The following PIK3C2B variants were observed in gnomAD, a reference collection of about 807,000 sequenced individuals.
The protein encoded by PIK3C2B is phosphatidylinositol 4-phosphate 3-kinase C2 domain-containing subunit beta.
Under a neutral mutation model 184.3 loss-of-function variants are expected in PIK3C2B, and 83 were observed. That is an observed-to-expected ratio of 0.45 (90% confidence interval 0.38 to 0.54). The LOEUF is 0.54. Among genes scored for constraint, PIK3C2B ranks in the 20% least tolerant of loss-of-function variants. The pLI, the probability that PIK3C2B is intolerant of heterozygous loss-of-function variation, is 0.00. For synonymous variants in PIK3C2B, 779 were observed against 837.6 expected, an observed-to-expected ratio of 0.93 and a Z score of 1.21; for missense variants, 1,736 against 2,113.5, an observed-to-expected ratio of 0.82 and a Z score of 3.50.
intron 1 of PIK3C2B, among the ~76,000 whole-genome samples, chr1:204,480,392 T>C (rs1048052692): frequency 6.6e-6 from 1 of 152,226 alleles, no homozygotes; most frequent in African/African-American, 2.4e-5. Context: ...GACTTTGTAC[T>C]GTCTCTCCTA....
Position 204,447,348 on chromosome 1 carries a change from C to T in PIK3C2B, c.2489+88G>A. 4.5e-6 allele frequency: 6 copies of T among 1,343,970 alleles called. No individual in the cohort carries two copies. The highest frequency in any genetic ancestry group is 6.2e-6 in the Non-Finnish European group (6 of 961,402). 83.3% of individuals were successfully genotyped at this position (1,343,970 alleles called of 1,614,324 possible). ...TGAGATGGCAATGCCCACCCCTTCC[C>T]ACCTCCACTCCCAAAGCAGGAGGAC... On this transcript the variant is annotated intron_variant, in intron 15 of 32. Coordinates refer to ENST00000684373, the MANE Select transcript of PIK3C2B (RefSeq NM_001377334.1). This position sits in a 1 kb window ranked among gnomAD's most constrained non-coding sequence, Gnocchi z 4.1.
intron 3 of PIK3C2B, among the ~76,000 whole-genome samples, 199 bp downstream of exon 3, chr1:204,465,020 T>C (rs950888479): frequency 1.3e-5 from 2 of 152,230 alleles, no homozygotes; most frequent in African/African-American, 4.8e-5. Context: ...GGAGGTTTCA[T>C]GAATTTTGCT....
intron 1 of PIK3C2B, among the ~76,000 whole-genome samples, chr1:204,486,102 T>A (rs1372187003): frequency 6.6e-6 from 1 of 152,170 alleles, no homozygotes; most frequent in Non-Finnish European, 1.5e-5. Context: ...AGCCCACTAA[T>A]CTTAAGAATA....
At chr1:204,477,512 G>A (rs571685105) in intron 1 of PIK3C2B, among the ~76,000 whole-genome samples, 3 of 152,334 alleles carry the variant, frequency 2.0e-5, no homozygotes, top group Admixed American at 6.5e-5. Flanking sequence ...GCTAGCCGGG[G>A]AGGAAATGGG....
chr1:204,457,843 A>C lies in PIK3C2B; in HGVS notation c.1598T>G (p.Val533Gly). The C allele has an allele frequency of 1.9e-6, 3 of 1,613,178 alleles. No individual in the cohort carries two copies. Among genetic ancestry groups the C allele is most frequent in the Non-Finnish European group, 2.5e-6 (3 of 1,179,712 alleles). ...GTTGCAGATGGCCTTGACGGACTGGACCACCCTGTCAGCCTTCAGTGGGAA... is the reference window on the plus strand; with the variant it reads ...GTTGCAGATGGCCTTGACGGACTGGCCCACCCTGTCAGCCTTCAGTGGGAA... ...GDFPLKADRV[V>G]QSVKAICNAL... The change falls in exon 9 of 33, where the codon GTC (valine) becomes GGC (glycine). Residue 533 changes from valine (V) to glycine (G), a missense_variant. This residue lies in a region of PIK3C2B where 609 missense variants were observed against 699.2 expected (regional missense o/e 0.87). Transcript: ENST00000684373.
chr1:204,426,911 G>A (rs531725321), intron 31 of PIK3C2B, among the ~76,000 whole-genome samples: 1 of 152,102 alleles, frequency 6.6e-6, no homozygotes, highest in Non-Finnish European at 1.5e-5. Flanking sequence ...TGAGACAGAC[G>A]GATCACCTGA....
At chr1:204,441,426 C>G in intron 21 of PIK3C2B, 45 bp downstream of exon 21, 1 of 1,343,096 alleles carries the variant, frequency 7.4e-7, no homozygotes, top group Non-Finnish European at 1.1e-6. Flanking sequence ...CTGCCTCCTT[C>G]TCTCTCCCAC....
At chr1:204,431,590 C>CA (rs1675059613) in intron 28 of PIK3C2B, 79 bp downstream of exon 28, 1 of 1,562,888 alleles carries the variant, frequency 6.4e-7, no homozygotes, top group African/African-American at 1.4e-5. Context: ...TCTGCCCCTG[C>CA]AGCCCTGACC....
intron 14 of PIK3C2B, among the ~76,000 whole-genome samples, chr1:204,448,633 C>CAAA (rs11455070): frequency 8.2e-6 from 1 of 122,246 alleles, no homozygotes; most frequent in African/African-American, 3.1e-5. Flanking sequence ...GATCCTGTCT[C>CAAA]AAAAAAAAAA....
At chr1:204,442,447 C>T in intron 20 of PIK3C2B, 79 bp downstream of exon 20, 1 of 915,350 alleles carries the variant, frequency 1.1e-6, no homozygotes, top group South Asian at 1.4e-5. Flanking sequence ...GCTCCTCGAC[C>T]TTGCATGCCT....
intron 23 of PIK3C2B, among the ~76,000 whole-genome samples, chr1:204,438,220 G>T (rs1237904103): frequency 6.6e-6 from 1 of 152,200 alleles, no homozygotes; most frequent in Non-Finnish European, 1.5e-5. Flanking sequence ...CCAGTCTCTT[G>T]TGAGTTTGGT....
At chr1:204,438,740 G>C (rs1052370689) in intron 23 of PIK3C2B, among the ~76,000 whole-genome samples, 195 bp downstream of exon 23, 4 of 152,188 alleles carry the variant, frequency 2.6e-5, no homozygotes, top group Non-Finnish European at 5.9e-5. Flanking sequence ...GATTTTCTCA[G>C]CCAGCTTACA....
chr1:204,460,241 G>A lies in PIK3C2B; in HGVS notation c.1502+83C>T. The A allele has an allele frequency of 2.6e-6, 3 of 1,161,020 alleles. No homozygotes were observed. In the South Asian group the frequency reaches 3.8e-5, roughly 15 times the overall value. 71.9% of individuals were successfully genotyped at this position (1,161,020 alleles called of 1,614,324 possible). On this transcript the variant is annotated intron_variant, in intron 7 of 32. Transcript: ENST00000684373. Reference sequence around the variant, plus strand: ...ACACCTGCAAGAATCCCTTAGCCCTGACAGAAAGGCAAGCAGGCACATCTG... The same window carrying A: ...ACACCTGCAAGAATCCCTTAGCCCTAACAGAAAGGCAAGCAGGCACATCTG...
At chr1:204,442,275 G>A (rs1675707129) in intron 20 of PIK3C2B, among the ~76,000 whole-genome samples, 1 of 152,130 alleles carries the variant, frequency 6.6e-6, no homozygotes, top group Non-Finnish European at 1.5e-5. Context: ...CAGCCCCTCT[G>A]CCTCGTTTCT....
In PIK3C2B at chr1:204,457,867, A is replaced by T; in HGVS notation, c.1574T>A (p.Phe525Tyr). ...VDAFLLADGD[F>Y]PLKADRVVQS... Reference sequence around the variant, plus strand: ...GACCACCCTGTCAGCCTTCAGTGGGAAGTCTCCCTGTGGGAGGTGGCACAG... The same window carrying T: ...GACCACCCTGTCAGCCTTCAGTGGGTAGTCTCCCTGTGGGAGGTGGCACAG... The change falls in exon 9 of 33, where the codon TTC becomes TAC. Residue 525 changes from phenylalanine (F) to tyrosine (Y), a missense_variant. Physicochemically the swap from Phe to Tyr is conservative, Grantham distance 22 (BLOSUM62 3). Transcript: ENST00000684373. 2 of 1,612,542 alleles carry T rather than the reference A, an allele frequency of 1.2e-6. No homozygotes were observed. The highest frequency in any genetic ancestry group is 1.7e-6 in the Non-Finnish European group (2 of 1,179,624).
At chr1:204,457,971 A>G (rs1655012191) in intron 8 of PIK3C2B, 97 bp from the exon 9 acceptor site, 1 of 1,028,086 alleles carries the variant, frequency 9.7e-7, no homozygotes, top group East Asian at 2.6e-5. Context: ...AGGGTTGGGA[A>G]GAGTAGAGAG....
chr1:204,484,402 C>T (rs1657423822), intron 1 of PIK3C2B, among the ~76,000 whole-genome samples: 1 of 152,044 alleles, frequency 6.6e-6, no homozygotes, highest in Admixed American at 6.6e-5. Flanking sequence ...GGTCTTTTTC[C>T]CATCCTGTTG....
At position 204,456,227 on chromosome 1, in the gene PIK3C2B, C is replaced by A. The variant is rs1175321975; in HGVS notation, c.1748-176G>T. On this transcript the variant is annotated intron_variant, in intron 10 of 32. Transcript: ENST00000684373. The stretch of plus-strand genomic sequence containing the variant: ...CGGTAAAATGAGAAAAAAGCAGAAG[C>A]ATGTCATGAGCTTTTCATAAAATGA... 1.0e-5 allele frequency: 5 copies of A among 493,168 alleles called. No individual in the cohort carries two copies. The East Asian group carries it at 1.6e-4, about 16-fold the overall frequency. 30.5% of individuals were successfully genotyped at this position (493,168 alleles called of 1,614,324 possible). A position where few individuals can be genotyped will look rare whatever the true frequency, so the allele number is the denominator to read the frequency against.
intron 11 of PIK3C2B, 91 bp downstream of exon 11, chr1:204,455,765 T>C (rs1252047818): frequency 3.0e-6 from 3 of 1,005,580 alleles, no homozygotes; most frequent in Non-Finnish European, 4.4e-6. Context: ...TCCTAAGACT[T>C]AGGACAGTGG....
Sources: allele counts gnomAD v4.1 joint callset (sites outside exome capture counted in the v4.1 genomes callset), GRCh38; gene constraint gnomAD v4.1.1; regional missense constraint gnomAD v4.1.1; non-coding constraint Gnocchi (gnomAD v3.1); transcripts MANE v1.5; gene names NCBI Gene and HGNC (gene_info 2026-07-23, HGNC 2026-07-21).